Variants in LARGE1 observed in about 807,000 individuals in gnomAD.
The protein encoded by LARGE1 is LARGE xylosyl- and glucuronyltransferase 1, also known as xylosyl- and glucuronyltransferase LARGE1.
A neutral mutation model predicts 87.6 loss-of-function variants in LARGE1; 43 were observed. That is an observed-to-expected ratio of 0.49 (90% CI 0.38 to 0.63). LARGE1 has a LOEUF of 0.63. Among genes scored for constraint, LARGE1 ranks in the 30% least tolerant of loss-of-function variants. The pLI, the probability that LARGE1 is intolerant of heterozygous loss-of-function variation, is 0.00. For missense variants in LARGE1, 802 were observed against 1,000.2 expected (o/e 0.80, Z 2.67); for synonymous variants, 434 against 394.6 (o/e 1.10, Z -1.18).
intron 9 of LARGE1, among the ~76,000 whole-genome samples, chr22:33,346,803 C>A (rs1939818313): frequency 6.6e-6 from 1 of 152,180 alleles, no homozygotes; most frequent in African/African-American, 2.4e-5. Flanking sequence ...GACCCAAGAT[C>A]CAAGCCAATC....
intron 3 of LARGE1, among the ~76,000 whole-genome samples, chr22:33,641,589 T>A (rs575857897): frequency 9.7e-4 from 148 of 152,168 alleles, no homozygotes; most frequent in Admixed American, 2.7e-3. Flanking sequence ...TCCTCTGAGC[T>A]AAAGGAGCAT....
intron 2 of LARGE1, among the ~76,000 whole-genome samples, chr22:33,749,217 C>T (rs371015629): frequency 2.0e-5 from 3 of 152,166 alleles, no homozygotes; most frequent in South Asian, 2.1e-4. Context: ...TGGGTTCAAG[C>T]GATTCTCCTG....
intron 6 of LARGE1, among the ~76,000 whole-genome samples, chr22:33,451,684 G>A (rs1320473785): frequency 2.0e-5 from 3 of 151,584 alleles, no homozygotes; most frequent in Admixed American, 6.6e-5. Context: ...TCAGCCTCCC[G>A]AGTAGCTGGG....
chr22:33,489,887 T>C (rs543142297), intron 6 of LARGE1, among the ~76,000 whole-genome samples: 8 of 152,266 alleles, frequency 5.3e-5, no homozygotes, highest in African/African-American at 7.2e-5. Flanking sequence ...TAAGTGGACA[T>C]GAACAAGCGT....
chr22:33,458,870 C>G (rs1054393899), intron 6 of LARGE1, among the ~76,000 whole-genome samples: 2 of 152,010 alleles, frequency 1.3e-5, no homozygotes, highest in African/African-American at 4.8e-5. Flanking sequence ...TAATCCTTGC[C>G]CTACTTATCC....
chr22:33,648,012 C>T (rs924001037), intron 3 of LARGE1, among the ~76,000 whole-genome samples: 1 of 152,190 alleles, frequency 6.6e-6, no homozygotes, highest in Non-Finnish European at 1.5e-5. Context: ...CCACCTCGGA[C>T]TCCCAAAGTG....
chr22:33,860,783 C>T (rs992806795), intron 1 of LARGE1, among the ~76,000 whole-genome samples: 94 of 152,316 alleles, frequency 6.2e-4, no homozygotes, highest in Admixed American at 3.5e-3. Flanking sequence ...CCCTGACCCT[C>T]CTGGGCCAGT....
At chr22:33,640,032 T>C (rs1362980947) in intron 3 of LARGE1, among the ~76,000 whole-genome samples, 1 of 152,086 alleles carries the variant, frequency 6.6e-6, no homozygotes, top group Non-Finnish European at 1.5e-5. Flanking sequence ...CCCAGAGAAG[T>C]TTCCGCAACA....
chr22:33,764,719 C>T (rs548733676), intron 1 of LARGE1, among the ~76,000 whole-genome samples: 4 of 152,204 alleles, frequency 2.6e-5, no homozygotes, highest in African/African-American at 7.2e-5. Context: ...ATTGTGCCAC[C>T]GCACTCCAGC....
At chr22:33,132,420 A>G in the LARGE1 span, among the ~76,000 whole-genome samples, 1 of 151,376 alleles carries the variant, frequency 6.6e-6, no homozygotes, top group East Asian at 2.0e-4. Context: ...TGGGCTCAAG[A>G]AATTCTCCCA....
intron 3 of LARGE1, among the ~76,000 whole-genome samples, chr22:33,632,868 C>T (rs1392659135): frequency 2.0e-5 from 3 of 152,210 alleles, no homozygotes; most frequent in African/African-American, 7.2e-5. Context: ...CTTTACAAAG[C>T]TCTTGAGTAA....
intron 1 of LARGE1, among the ~76,000 whole-genome samples, chr22:33,893,921 A>T (rs1467835740): frequency 6.6e-6 from 1 of 152,158 alleles, no homozygotes; most frequent in African/African-American, 2.4e-5. Flanking sequence ...CTTTCACTAC[A>T]TGTTGAGTAG....
At chr22:33,377,786 T>C (rs1169783908) in intron 9 of LARGE1, among the ~76,000 whole-genome samples, 2 of 152,200 alleles carry the variant, frequency 1.3e-5, no homozygotes, top group Non-Finnish European at 2.9e-5. Flanking sequence ...CTTGGGTAAT[T>C]TCTTATACCT....
chr22:33,687,285 G>A (rs1356323233), intron 2 of LARGE1, among the ~76,000 whole-genome samples: 6 of 151,198 alleles, frequency 4.0e-5, no homozygotes, highest in African/African-American at 7.3e-5. Context: ...GTGTGCCACC[G>A]TGCATGGCCT....
At chr22:33,834,443 C>T (rs922591974) in intron 1 of LARGE1, among the ~76,000 whole-genome samples, 1 of 152,174 alleles carries the variant, frequency 6.6e-6, no homozygotes, top group Non-Finnish European at 1.5e-5. Context: ...CTTCTCCTGG[C>T]TCATCCTGGC....
At chr22:33,104,982 T>A in the LARGE1 span, among the ~76,000 whole-genome samples, 1 of 146,530 alleles carries the variant, frequency 6.8e-6, no homozygotes, top group Non-Finnish European at 1.5e-5. Context: ...TCTTTCTTTT[T>A]CTTTTCTTTC....
chr22:33,400,140 G>A (rs2065886123), intron 7 of LARGE1, among the ~76,000 whole-genome samples: 1 of 152,196 alleles, frequency 6.6e-6, no homozygotes, highest in Admixed American at 6.5e-5. Context: ...CCATCAGAAC[G>A]CAGGAGATAA....
chr22:33,865,130 A>G (rs1382560758), intron 1 of LARGE1, among the ~76,000 whole-genome samples: 1 of 152,216 alleles, frequency 6.6e-6, no homozygotes, highest in Non-Finnish European at 1.5e-5. Context: ...ACGTCTGTGC[A>G]GGACAAGCTC....
Position 33,181,051 on chromosome 22 carries a change from G to C in LARGE1, c.1731-14219C>G, listed in dbSNP as rs182010155. Among the ~76,000 whole-genome samples, 330 of 152,114 alleles carry C rather than the reference G, an allele frequency of 2.2e-3. 5 individuals carry two copies. Among genetic ancestry groups the C allele is most frequent in the East Asian group, 9.7e-4 (5 of 5,168 alleles). On this transcript the variant is annotated intron_variant, in intron 11 of 11. Transcript: ENST00000608642. ...CCATTGAGCTGCACACTTGAAAGTG[G>C]GTAAATTATAAGGTTTATTAATTAT...
Sources: gnomAD v4.1 joint callset for allele counts (sites outside exome capture counted in the v4.1 genomes callset) on GRCh38, gnomAD v4.1.1 for gene constraint, MANE v1.5 for transcripts, NCBI Gene and HGNC (gene_info 2026-07-23, HGNC 2026-07-21) for gene names.